TAF8: variants seen among roughly 807,000 people sequenced by gnomAD.
The protein encoded by TAF8 is transcription initiation factor TFIID subunit 8.
A neutral mutation model predicts 36.5 loss-of-function variants in TAF8; 47 were observed. That is an observed-to-expected ratio of 1.29 (90% CI 1.02 to 1.64). The LOEUF is 1.64. TAF8 is among the 40% of genes most tolerant of loss of function. The probability of loss-of-function intolerance (pLI) is 0.00; values close to 1 mark genes in which losing one functional copy is unlikely to be tolerated. For missense variants in TAF8, 420 were observed against 407.6 expected (o/e 1.03, Z -0.26); for synonymous variants, 175 against 159.5 (o/e 1.10, Z -0.73).
intron 7 of TAF8, among the ~76,000 whole-genome samples, chr6:42,069,435 G>A (rs1274467293): frequency 1.3e-5 from 2 of 152,174 alleles, no homozygotes; most frequent in African/African-American, 4.8e-5. Flanking sequence ...AGATCATTTG[G>A]TCAGATTCTA....
rs557020671 is a variant in TAF8 at position 42,081,337 on chromosome 6, C to G, written c.*3792C>G. 2 of 136,876 alleles carry G rather than the reference C, an allele frequency of 1.5e-5. No individual in the cohort carries two copies. The highest frequency in any genetic ancestry group is 3.3e-5 in the Non-Finnish European group (2 of 60,964). The allele number at this position is 136,876 out of a possible 1,614,324, so 8.5% of individuals were successfully genotyped here. A position where few individuals can be genotyped will look rare whatever the true frequency, so the allele number is the denominator to read the frequency against. On this transcript the variant is annotated 3_prime_UTR_variant, in exon 9 of 9. Transcript: ENST00000372977. ...GATTATAGGTATCTACCACCACCAC[C>G]ACGCCTGGCTAATTTTTTCTTTTTT...
chr6:42,083,205 T>C lies in TAF8; in HGVS notation c.*5660T>C, dbSNP rs1426721238. On this transcript the variant is annotated 3_prime_UTR_variant, in exon 9 of 9. Coordinates refer to ENST00000372977, the MANE Select transcript of TAF8 (RefSeq NM_138572.3). ...TGTGCATCAAATGCAAATACTTATA[T>C]TTTCTACTTCTCAGTGTATTTTTTG... The C allele has an allele frequency of 6.6e-6, 1 of 152,238 alleles. No individual in the cohort carries two copies. The highest frequency in any genetic ancestry group is 1.9e-4 in the East Asian group (1 of 5,196). The allele number at this position is 152,238 out of a possible 1,614,324, so 9.4% of individuals were successfully genotyped here.
chr6:42,073,559 G>T (rs1489166148), intron 7 of TAF8, among the ~76,000 whole-genome samples: 1 of 152,180 alleles, frequency 6.6e-6, no homozygotes, highest in Non-Finnish European at 1.5e-5. Context: ...CTGAGAAGGG[G>T]ATATCTGAGC....
chr6:42,051,011 C>T (rs1161836383), intron 1 of TAF8: 1 of 1,084,894 alleles, frequency 9.2e-7, no homozygotes, highest in East Asian at 6.4e-5. Flanking sequence ...AGATGGGAGG[C>T]ACAAGAGAGG....
chr6:42,052,370 G>C (rs1333134293), intron 2 of TAF8, among the ~76,000 whole-genome samples: 1 of 149,948 alleles, frequency 6.7e-6, no homozygotes, highest in African/African-American at 2.5e-5. Flanking sequence ...TGCCCAGGCT[G>C]GGGTGCAGTG....
chr6:42,078,462 C>T lies in TAF8; in HGVS notation c.*917C>T. The T allele has an allele frequency of 3.0e-6, 3 of 985,492 alleles. No homozygotes were observed. Among genetic ancestry groups the T allele is most frequent in the Non-Finnish European group, 3.6e-6 (3 of 829,952 alleles). The allele number at this position is 985,492 out of a possible 1,614,324, so 61.0% of individuals were successfully genotyped here. On this transcript the variant is annotated 3_prime_UTR_variant, in exon 9 of 9. Transcript: ENST00000372977. Reference sequence around the variant, plus strand: ...TTATTTCTCTCCTCATCTGGCCTCCCAAGTGCTCCGTTGAGCTGATGAAAA... The same window carrying T: ...TTATTTCTCTCCTCATCTGGCCTCCTAAGTGCTCCGTTGAGCTGATGAAAA...
At chr6:42,084,557 G>T (rs1222485454), downstream of TAF8, among the ~76,000 whole-genome samples, 1 of 152,100 alleles carries the variant, frequency 6.6e-6, no homozygotes, top group African/African-American at 2.4e-5. Flanking sequence ...CCGCCTCCTG[G>T]GTTCAAGCGA....
In TAF8 at chr6:42,078,589, G is replaced by A; in HGVS notation, c.*1044G>A. The A allele has an allele frequency of 1.0e-6, 1 of 985,506 alleles. No homozygotes were observed. Among genetic ancestry groups the A allele is most frequent in the Non-Finnish European group, 1.2e-6 (1 of 829,950 alleles). The allele number at this position is 985,506 out of a possible 1,614,324, so 61.0% of individuals were successfully genotyped here. A position where few individuals can be genotyped will look rare whatever the true frequency, so the allele number is the denominator to read the frequency against. ...GAGTCTTGAGCAGATGCATCACTGT[G>A]AAGAAGAACGACATGTCGGGGCTGC... On this transcript the variant is annotated 3_prime_UTR_variant, in exon 9 of 9. Coordinates refer to ENST00000372977, the MANE Select transcript of TAF8 (RefSeq NM_138572.3).
In TAF8 at chr6:42,077,099, G is replaced by A. The variant is rs371261267; in HGVS notation, c.781-1G>A. ...TGCTTTATTTTGGCTTTTGCTCAAA[G>A]GAGGATTCTGGAGCCGAGAAGGAGA... On this transcript the variant is annotated splice_acceptor_variant, in intron 7 of 8. Coordinates refer to ENST00000372977, the MANE Select transcript of TAF8 (RefSeq NM_138572.3). LOFTEE classifies it high-confidence loss of function. 5.0e-5 allele frequency: 81 copies of A among 1,610,656 alleles called. No individual in the cohort carries two copies. Among genetic ancestry groups the A allele is most frequent in the Admixed American group, 1.2e-4 (7 of 59,456 alleles).
chr6:42,057,735 C>A, intron 5 of TAF8: 1 of 471,590 alleles, frequency 2.1e-6, no homozygotes, highest in Non-Finnish European at 3.7e-6. Context: ...GCCTGGGCAG[C>A]AGAGCAAGAC....
In TAF8 at chr6:42,077,913, T is replaced by C; in HGVS notation, c.*368T>C. On this transcript the variant is annotated 3_prime_UTR_variant, in exon 9 of 9. Transcript: ENST00000372977. ...CTGGGACTAGAGGCAAGCGCCACCA[T>C]GCTGGCTAATTTTTGTATTTTGAGT... 3 of 318,780 alleles carry C rather than the reference T, an allele frequency of 9.4e-6. No individual in the cohort carries two copies. Among genetic ancestry groups the C allele is most frequent in the Non-Finnish European group, 1.5e-5 (3 of 198,024 alleles). 19.7% of individuals were successfully genotyped at this position (318,780 alleles called of 1,614,324 possible). A position where few individuals can be genotyped will look rare whatever the true frequency, so the allele number is the denominator to read the frequency against.
Position 42,078,284 on chromosome 6 carries a change from A to G in TAF8, c.*739A>G. On this transcript the variant is annotated 3_prime_UTR_variant, in exon 9 of 9. Coordinates refer to ENST00000372977, the MANE Select transcript of TAF8 (RefSeq NM_138572.3). ...CAGGATTTGATTCCTTTGAAACTCA[A>G]GAGACCAGGGAAAGTGACAGGAAGG... 4.1e-6 allele frequency: 4 copies of G among 985,348 alleles called. No individual in the cohort carries two copies. The highest frequency in any genetic ancestry group is 4.8e-6 in the Non-Finnish European group (4 of 829,836). The allele number at this position is 985,348 out of a possible 1,614,324, so 61.0% of individuals were successfully genotyped here. A position where few individuals can be genotyped will look rare whatever the true frequency, so the allele number is the denominator to read the frequency against.
intron 6 of TAF8, among the ~76,000 whole-genome samples, chr6:42,067,374 C>G (rs540520404): frequency 6.6e-6 from 1 of 152,054 alleles, no homozygotes. Context: ...CCACCACACC[C>G]AGCTAATTTT....
At chr6:42,057,660 C>G in intron 5 of TAF8, 147 bp downstream of exon 5, 1 of 1,116,256 alleles carries the variant, frequency 9.0e-7, no homozygotes, top group Non-Finnish European at 1.3e-6. Flanking sequence ...TGGCTCACAC[C>G]TGTAATCCCA....
downstream of TAF8, among the ~76,000 whole-genome samples, chr6:42,086,466 G>A (rs1342153886): frequency 2.6e-5 from 4 of 152,190 alleles, no homozygotes; most frequent in South Asian, 4.1e-4. Context: ...CTCCTGTGCC[G>A]GGAGCACCGT....
rs1231593555 is a variant in TAF8, at chr6:42,080,584, C to T, written c.*3039C>T. The T allele has an allele frequency of 1.6e-6, 1 of 623,088 alleles. No homozygotes were observed. Among genetic ancestry groups the T allele is most frequent in the Non-Finnish European group, 2.0e-6 (1 of 499,594 alleles). 38.6% of individuals were successfully genotyped at this position (623,088 alleles called of 1,614,324 possible). ...AGAGACGGGGTTTCACCAGGTTGGCCAGGGTGGTCTCGAACACCTGACCTC... is the reference window on the plus strand; with the variant it reads ...AGAGACGGGGTTTCACCAGGTTGGCTAGGGTGGTCTCGAACACCTGACCTC... On this transcript the variant is annotated 3_prime_UTR_variant, in exon 9 of 9. Coordinates refer to ENST00000372977, the MANE Select transcript of TAF8 (RefSeq NM_138572.3).
chr6:42,078,849 C>T lies in TAF8; in HGVS notation c.*1304C>T, dbSNP rs1222900287. 6.1e-6 allele frequency: 6 copies of T among 985,382 alleles called. No homozygotes were observed. In the East Asian group the frequency reaches 5.7e-4, roughly 93 times the overall value. The allele number at this position is 985,382 out of a possible 1,614,324, so 61.0% of individuals were successfully genotyped here. Reference sequence around the variant, plus strand: ...AACAGTAGGAAAGAGGGGCTACGCGCAGTGGCTCACGCCTGTAATCCCAGC... The same window carrying T: ...AACAGTAGGAAAGAGGGGCTACGCGTAGTGGCTCACGCCTGTAATCCCAGC... On this transcript the variant is annotated 3_prime_UTR_variant, in exon 9 of 9. Transcript: ENST00000372977.
chr6:42,077,394 C>T (rs966783600), intron 8 of TAF8, 139 bp from the exon 9 acceptor site: 17 of 1,525,552 alleles, frequency 1.1e-5, no homozygotes, highest in African/African-American at 2.8e-5. Flanking sequence ...ACTTGGCTCC[C>T]GTACATAGCT....
chr6:42,056,430 A>G, intron 4 of TAF8: 1 of 223,738 alleles, frequency 4.5e-6, no homozygotes, highest in South Asian at 5.7e-5. Flanking sequence ...CTATAATGGC[A>G]TAGTTTAGTT....
Sources: gnomAD v4.1 joint callset for allele counts (sites outside exome capture counted in the v4.1 genomes callset) on GRCh38, gnomAD v4.1.1 for gene constraint, MANE v1.5 for transcripts, NCBI Gene and HGNC (gene_info 2026-07-23, HGNC 2026-07-21) for gene names.